The following TMLHE variants were observed in gnomAD, a reference collection of about 807,000 sequenced individuals.
TMLHE encodes trimethyllysine hydroxylase, epsilon.
In TMLHE, 18 loss-of-function variants were observed where a neutral mutation model predicts 25.7. The observed-to-expected ratio is 0.70, with a 90% CI of 0.48 to 1.04. The LOEUF (loss-of-function observed/expected upper bound fraction) is 1.04, where lower values mean the gene tolerates loss of function less well. TMLHE is among the 50% of genes least tolerant of loss of function. The pLI is 0.00. For synonymous variants in TMLHE, 105 were observed against 97.0 expected, an observed-to-expected ratio of 1.08 and a Z score of -0.49; for missense variants, 236 against 259.0, an observed-to-expected ratio of 0.91 and a Z score of 0.61.
rs2067536998 is a variant in TMLHE, at chrX:155,569,900, A to G, written c.-1-24623T>C. Among the ~76,000 whole-genome samples the G allele has an allele frequency of 3.5e-5, 2 of 57,034 alleles. 1 individual carries two copies. The highest frequency in any genetic ancestry group is 8.4e-5 in the African/African-American group (2 of 23,705). 49.5% of individuals were successfully genotyped at this position (57,034 alleles called of 115,157 possible). ...AAAATCATGCCAAATTGTAAATACC[A>G]TCGAGGCTAGGAAGAAACTGCATCA... On this transcript the variant is annotated intron_variant, in intron 1 of 7. Coordinates refer to ENST00000334398, the MANE Select transcript of TMLHE (RefSeq NM_018196.4).
intron 5 of TMLHE, among the ~76,000 whole-genome samples, chrX:155,510,554 C>G (rs1169220321): frequency 9.2e-6 from 1 of 108,979 alleles, no homozygotes; most frequent in Non-Finnish European, 1.9e-5. Context: ...CCAGCTCCAT[C>G]CATGTCCCTA....
intron 1 of TMLHE, among the ~76,000 whole-genome samples, chrX:155,594,680 G>A (rs2067711533): frequency 8.9e-6 from 1 of 112,037 alleles, no homozygotes; most frequent in Non-Finnish European, 1.9e-5. Context: ...AAATTATCAA[G>A]GGATATAAAT....
intron 1 of TMLHE, among the ~76,000 whole-genome samples, chrX:155,553,156 A>G (rs2067426274): frequency 9.0e-6 from 1 of 110,786 alleles, no homozygotes; most frequent in African/African-American, 3.3e-5. Flanking sequence ...GTATTCTGCA[A>G]TTGTTGCATG....
chrX:155,549,256 G>C (rs888722718), intron 1 of TMLHE, among the ~76,000 whole-genome samples: 5 of 110,773 alleles, frequency 4.5e-5, no homozygotes, highest in African/African-American at 1.0e-4. Flanking sequence ...GTGCTCACTA[G>C]TTAGGAGGAG....
At position 155,514,122 on chromosome X, in the gene TMLHE, G is replaced by T; in HGVS notation, c.502C>A (p.Gln168Lys). 8.3e-7 allele frequency: 1 copy of T among 1,211,031 alleles called. No individual in the cohort carries two copies. Among genetic ancestry groups the T allele is most frequent in the Non-Finnish European group, 1.1e-6 (1 of 895,171 alleles). The stretch of plus-strand genomic sequence containing the variant: ...CCCTCGTTGGTTTCTAAGAAGCTCT[G>T]GCAATCTACCGATGGAACTTGGGCT... ...QQAQVPSVDC[Q>K]SFLETNEGLK... The change falls in exon 4 of 8, where the codon CAG becomes AAG. Residue 168 changes from glutamine (Q) to lysine (K), a missense_variant. Coordinates refer to ENST00000334398, the MANE Select transcript of TMLHE (RefSeq NM_018196.4).
At chrX:155,532,695 G>A (rs901415166) in intron 2 of TMLHE, among the ~76,000 whole-genome samples, 2 of 108,065 alleles carry the variant, frequency 1.9e-5, no homozygotes, top group Middle Eastern at 4.7e-3. Context: ...GTGTGTGTGT[G>A]TGTGTGTGTG....
intron 1 of TMLHE, among the ~76,000 whole-genome samples, chrX:155,556,638 GAC>G (rs1557340883): frequency 2.1e-4 from 23 of 109,269 alleles, no homozygotes; most frequent in African/African-American, 7.3e-4. Flanking sequence ...AGGACCACAG[GAC>G]GGAAGCGAAA....
intron 5 of TMLHE, among the ~76,000 whole-genome samples, chrX:155,510,470 A>T (rs1166686525): frequency 1.1e-5 from 1 of 92,640 alleles, no homozygotes; most frequent in African/African-American, 4.1e-5. Context: ...TCATTGTTCA[A>T]TTCCCACCTA....
intron 1 of TMLHE, among the ~76,000 whole-genome samples, chrX:155,610,038 T>A (rs1481955234): frequency 8.9e-6 from 1 of 112,082 alleles, no homozygotes; most frequent in African/African-American, 3.2e-5. Context: ...CATAGGTGTT[T>A]AACCAAGAGA....
Position 155,544,749 on chromosome X carries a change from G to T in TMLHE, c.181+347C>A, listed in dbSNP as rs1222991935. ...TTTTTTTTCCCTTAGGTAAGACAGG[G>T]AGATGGAGTGGGGCTGGAGCAGGCT... On this transcript the variant is annotated intron_variant, in intron 2 of 7. Transcript: ENST00000334398. Among the ~76,000 whole-genome samples, 3 of 110,557 alleles carry T rather than the reference G, an allele frequency of 2.7e-5. No homozygotes were observed. The East Asian group carries it at 8.5e-4, about 31-fold the overall frequency.
At chrX:155,573,438 A>T (rs1363784778) in intron 1 of TMLHE, among the ~76,000 whole-genome samples, 1 of 56,145 alleles carries the variant, frequency 1.8e-5, no homozygotes, top group Admixed American at 2.1e-4. Flanking sequence ...TTCCTCAGGG[A>T]TCTAGAACTA....
chrX:155,556,991 A>G (rs1276915594), intron 1 of TMLHE, among the ~76,000 whole-genome samples: 1 of 112,437 alleles, frequency 8.9e-6, no homozygotes. Context: ...GCTCACCGGC[A>G]GTCAGAGTTT....
chrX:155,585,416 A>AACACACACACACAC (rs56160372), intron 1 of TMLHE, among the ~76,000 whole-genome samples: 9 of 96,605 alleles, frequency 9.3e-5, no homozygotes, highest in Non-Finnish European at 1.7e-4. Context: ...CACACACACA[A>AACACACACACACAC]ACACACACAC....
intron 1 of TMLHE, among the ~76,000 whole-genome samples, chrX:155,594,928 T>A (rs4526532): frequency 0.02 from 2,278 of 111,532 alleles, 24 homozygotes; most frequent in South Asian, 0.037. Context: ...TTCAACATAT[T>A]TGAAAAATTT....
intron 3 of TMLHE, chrX:155,524,173 G>T (rs1406549332): frequency 8.6e-6 from 2 of 231,860 alleles, no homozygotes; most frequent in Non-Finnish European, 1.5e-5. Flanking sequence ...AATAAGAGTG[G>T]TGAGAGTGGA....
intron 1 of TMLHE, among the ~76,000 whole-genome samples, chrX:155,590,489 A>G (rs1649552855): frequency 8.9e-6 from 1 of 111,834 alleles, no homozygotes; most frequent in South Asian, 3.6e-4. Flanking sequence ...ACAAATTCAT[A>G]ATTATAACTG....
intron 3 of TMLHE, among the ~76,000 whole-genome samples, chrX:155,523,481 T>C (rs1557336057): frequency 9.0e-6 from 1 of 111,615 alleles, no homozygotes; most frequent in Non-Finnish European, 1.9e-5. Flanking sequence ...AAGTTGACTA[T>C]ATTTCTGTGG....
rs149284421 is a variant in TMLHE, at chrX:155,537,438, A to C, written c.181+7658T>G. Among the ~76,000 whole-genome samples the C allele has an allele frequency of 5.2e-3, 576 of 111,009 alleles. 6 individuals carry two copies. Among genetic ancestry groups the C allele is most frequent in the African/African-American group, 0.017 (531 of 30,567 alleles). ...TTTCCCTGTCATCCTTGGCAACTTC[A>C]TCATCATTAATGACAGTACTCTCAA... On this transcript the variant is annotated intron_variant, in intron 2 of 7. Transcript: ENST00000334398.
intron 2 of TMLHE, among the ~76,000 whole-genome samples, chrX:155,530,328 A>T (rs1603032774): frequency 9.0e-6 from 1 of 111,461 alleles, no homozygotes; most frequent in Non-Finnish European, 1.9e-5. Context: ...CAGAAAAAAA[A>T]TTTGCATGAT....
Sources: gnomAD v4.1 joint callset for allele counts (sites outside exome capture counted in the v4.1 genomes callset) on GRCh38, gnomAD v4.1.1 for gene constraint, MANE v1.5 for transcripts, NCBI Gene and HGNC (gene_info 2026-07-23, HGNC 2026-07-21) for gene names.